Variants in SCLT1 observed in about 807,000 individuals in gnomAD.
SCLT1 encodes the protein sodium channel-associated protein 1.
A neutral mutation model predicts 112.8 loss-of-function variants in SCLT1; 78 were observed. The observed-to-expected ratio is 0.69, with a 90% CI of 0.58 to 0.83. The LOEUF (loss-of-function observed/expected upper bound fraction) is 0.83. Ranked by LOEUF, SCLT1 falls within the 40% of genes least tolerant of loss-of-function variation. The probability of loss-of-function intolerance (pLI) is 0.00; values close to 1 mark genes in which losing one functional copy is unlikely to be tolerated. For missense variants in SCLT1, 747 were observed against 770.4 expected (o/e 0.97, Z 0.36); for synonymous variants, 257 against 254.7 (o/e 1.01, Z -0.09).
At chr4:128,938,446 A>C (rs991419896) in intron 17 of SCLT1, among the ~76,000 whole-genome samples, 7 of 152,170 alleles carry the variant, frequency 4.6e-5, no homozygotes, top group Admixed American at 1.3e-4. Flanking sequence ...CTGGAAAACC[A>C]ATCTTGGATG....
chr4:128,926,464 G>A (rs983353829), intron 18 of SCLT1, among the ~76,000 whole-genome samples: 1 of 151,974 alleles, frequency 6.6e-6, no homozygotes, highest in Non-Finnish European at 1.5e-5. Flanking sequence ...TCCATACCCA[G>A]CAAAAATATC....
chr4:128,940,694 G>A (rs1006398783), intron 17 of SCLT1, among the ~76,000 whole-genome samples: 3 of 151,622 alleles, frequency 2.0e-5, no homozygotes, highest in African/African-American at 7.3e-5. Context: ...AAGCAATTAT[G>A]TAGAAGTTAG....
chr4:128,967,582 T>C (rs916635320), intron 10 of SCLT1, among the ~76,000 whole-genome samples: 4 of 152,364 alleles, frequency 2.6e-5, no homozygotes, highest in Middle Eastern at 3.4e-3. Flanking sequence ...CATTGCGATT[T>C]TGATTTGCAT....
intron 9 of SCLT1, among the ~76,000 whole-genome samples, chr4:128,990,548 A>AC (rs1742470924): frequency 6.6e-6 from 1 of 151,908 alleles, no homozygotes; most frequent in Non-Finnish European, 1.5e-5. Flanking sequence ...AAGGATACCT[A>AC]CTTTCACCAC....
At chr4:128,929,520 G>C (rs1160027450) in intron 18 of SCLT1, among the ~76,000 whole-genome samples, 1 of 152,088 alleles carries the variant, frequency 6.6e-6, no homozygotes, top group Non-Finnish European at 1.5e-5. Flanking sequence ...TTACAAAAAA[G>C]AACAAGGTAA....
intron 18 of SCLT1, among the ~76,000 whole-genome samples, chr4:128,893,004 C>T (rs991536309): frequency 2.6e-5 from 4 of 152,220 alleles, no homozygotes; most frequent in Non-Finnish European, 5.9e-5. Flanking sequence ...AACAAAATGA[C>T]TAGTGGTCAG....
chr4:128,964,622 T>C lies in SCLT1; in HGVS notation c.869+605A>G, dbSNP rs571123318. Among the ~76,000 whole-genome samples, 3 of 152,332 alleles carry C rather than the reference T, an allele frequency of 2.0e-5. No homozygotes were observed. In the South Asian group the frequency reaches 6.2e-4, roughly 32 times the overall value. On this transcript the variant is annotated intron_variant, in intron 11 of 20. Transcript: ENST00000281142. ...ATGGTTCATGATTCCTAAAAAATAG[T>C]TTTTAAAAATAACATTCCTCTCCTT...
intron 5 of SCLT1, among the ~76,000 whole-genome samples, chr4:129,011,645 T>C (rs945647251): frequency 1.3e-5 from 2 of 152,088 alleles, no homozygotes. Context: ...TGGTAGAATT[T>C]GGCTGTGAAC....
intron 18 of SCLT1, among the ~76,000 whole-genome samples, chr4:128,896,414 G>C: frequency 6.6e-6 from 1 of 152,124 alleles, no homozygotes; most frequent in East Asian, 1.9e-4. Context: ...AGGCAAACAG[G>C]GTCTGGAGTG....
intron 14 of SCLT1, among the ~76,000 whole-genome samples, chr4:128,950,656 C>T (rs1738647753): frequency 6.6e-6 from 1 of 152,006 alleles, no homozygotes; most frequent in East Asian, 1.9e-4. Context: ...AGACCATGAT[C>T]TGTGCTGCCG....
intron 5 of SCLT1, among the ~76,000 whole-genome samples, chr4:129,021,283 C>T (rs370468250): frequency 6.6e-6 from 1 of 152,098 alleles, no homozygotes; most frequent in Non-Finnish European, 1.5e-5. Flanking sequence ...GAGTTTCAAG[C>T]ACAAAACTGT....
At chr4:128,905,979 G>C (rs1423110235) in intron 18 of SCLT1, among the ~76,000 whole-genome samples, 1 of 151,890 alleles carries the variant, frequency 6.6e-6, no homozygotes, top group Non-Finnish European at 1.5e-5. Flanking sequence ...CTCCCCACTA[G>C]AATGAAAACT....
intron 18 of SCLT1, among the ~76,000 whole-genome samples, chr4:128,925,781 T>G (rs1736248120): frequency 6.6e-6 from 1 of 152,114 alleles, no homozygotes; most frequent in African/African-American, 2.4e-5. Flanking sequence ...CATTTTTGGA[T>G]GGTTTCTTTC....
intron 2 of SCLT1, among the ~76,000 whole-genome samples, chr4:129,078,899 G>T (rs913859825): frequency 6.6e-6 from 1 of 152,168 alleles, no homozygotes; most frequent in African/African-American, 2.4e-5. Context: ...GGCTGGGGAG[G>T]CCTCAGGAAA....
In SCLT1 at chr4:129,044,347, T is replaced by C. The variant is rs1579824447; in HGVS notation, c.103-296A>G. 2.0e-5 allele frequency among the ~76,000 whole-genome samples: 3 copies of C among 152,118 alleles called. No individual in the cohort carries two copies. In the South Asian group the frequency reaches 6.2e-4, roughly 32 times the overall value. ...ATAATTTAAAGGTTGAAAAGCAAGA[T>C]GGAAGGCTATTATTATTTACAATTT... On this transcript the variant is annotated intron_variant, in intron 2 of 20. Coordinates refer to ENST00000281142, the MANE Select transcript of SCLT1 (RefSeq NM_144643.4).
In SCLT1 at chr4:128,942,256, T is replaced by G. The variant is rs140484009; in HGVS notation, c.1632+740A>C. ...TGTTGACATGAATTAGGTTGGAATATGACTTCTTAGGAGTCCTTGCAGCAA... is the reference window on the plus strand; with the variant it reads ...TGTTGACATGAATTAGGTTGGAATAGGACTTCTTAGGAGTCCTTGCAGCAA... On this transcript the variant is annotated intron_variant, in intron 17 of 20. Coordinates refer to ENST00000281142, the MANE Select transcript of SCLT1 (RefSeq NM_144643.4). Among the ~76,000 whole-genome samples the G allele has an allele frequency of 1.6e-3, 236 of 152,206 alleles. 2 individuals are homozygous for G. The highest frequency in any genetic ancestry group is 0.013 in the East Asian group (69 of 5,178).
intron 10 of SCLT1, among the ~76,000 whole-genome samples, chr4:128,967,300 T>C (rs141888009): frequency 2.0e-5 from 3 of 152,350 alleles, no homozygotes; most frequent in Non-Finnish European, 4.4e-5. Flanking sequence ...TTATTGTGAA[T>C]AGTGCTGTGA....
chr4:128,901,333 A>C (rs1036148765), intron 18 of SCLT1, among the ~76,000 whole-genome samples: 1 of 152,230 alleles, frequency 6.6e-6, no homozygotes, highest in Non-Finnish European at 1.5e-5. Flanking sequence ...ATGGAATACT[A>C]TGGAGCCATA....
At chr4:128,875,847 A>AAAT (rs982799255) in intron 4 of SCLT1, among the ~76,000 whole-genome samples, 1 of 152,204 alleles carries the variant, frequency 6.6e-6, no homozygotes, top group Non-Finnish European at 1.5e-5. Flanking sequence ...TAATTTTTAA[A>AAAT]AATAATTTTT....
Sources: gnomAD v4.1 joint callset for allele counts (sites outside exome capture counted in the v4.1 genomes callset) on GRCh38, gnomAD v4.1.1 for gene constraint, MANE v1.5 for transcripts, NCBI Gene and HGNC (gene_info 2026-07-23, HGNC 2026-07-21) for gene names.